KLHL23: variants seen among roughly 807,000 people sequenced by gnomAD.
KLHL23 encodes kelch-like protein 23.
KLHL23 carries 33 observed loss-of-function variants against 48.9 expected under a neutral mutation model. That is an observed-to-expected ratio of 0.67 (90% CI 0.51 to 0.90). KLHL23 has a LOEUF of 0.90. KLHL23 is among the 40% of genes least tolerant of loss of function. KLHL23 has a pLI of 0.00. For missense variants in KLHL23, 608 were observed against 669.6 expected (o/e 0.91, Z 1.02); for synonymous variants, 234 against 231.6 (o/e 1.01, Z -0.09).
chr2:169,749,750 A>AC lies in KLHL23; in HGVS notation c.*20dup. 1.9e-6 allele frequency: 3 copies of AC among 1,570,756 alleles called. No homozygotes were observed. Among genetic ancestry groups the AC allele is most frequent in the Non-Finnish European group, 2.6e-6 (3 of 1,153,528 alleles). On this transcript the variant is annotated 3_prime_UTR_variant, in exon 4 of 4. Coordinates refer to ENST00000392647, the MANE Select transcript of KLHL23 (RefSeq NM_144711.6). ...ATGTCTAATTGAATCTGCAGAAATG[A>AC]CCAAGCAATCACTTTTTTGGAGTAT...
chr2:169,735,929 A>G lies in KLHL23; in HGVS notation c.915A>G (p.Ile305Met). 6.2e-7 allele frequency: 1 copy of G among 1,614,194 alleles called. No homozygotes were observed. Among genetic ancestry groups the G allele is most frequent in the Non-Finnish European group, 8.5e-7 (1 of 1,180,050 alleles). ...LTNVWIQGAE[I>M]PDYTRESYGV... Reference sequence around the variant, plus strand: ...ATGTTTGGATTCAGGGAGCAGAAATACCAGATTATACCAGGGAGAGCTATG... The same window carrying G: ...ATGTTTGGATTCAGGGAGCAGAAATGCCAGATTATACCAGGGAGAGCTATG... Residue 305 changes from isoleucine to methionine, a missense_variant, in exon 2 of 4, where the codon ATA becomes ATG. Coordinates refer to ENST00000392647, the MANE Select transcript of KLHL23 (RefSeq NM_144711.6). The surrounding 1 kb of genome is among the most constrained non-coding windows in gnomAD (Gnocchi z 4.5).
At position 169,735,228 on chromosome 2, in the gene KLHL23, G is replaced by T. The variant is rs1172795059; in HGVS notation, c.214G>T (p.Glu72Ter). The change falls in exon 2 of 4, where the codon GAA (glutamate) becomes TAA (stop). Residue 72 changes from glutamate to a stop codon, truncating the protein, a stop_gained. Transcript: ENST00000392647. LOFTEE classifies it high-confidence loss of function. The surrounding 1 kb of genome is among the most constrained non-coding windows in gnomAD (Gnocchi z 4.5). Reference sequence around the variant, plus strand: ...GGCAATGTTCACAGCTGACATGAAAGAAAAATTTAAAAATAAAATAAAACT... The same window carrying T: ...GGCAATGTTCACAGCTGACATGAAATAAAAATTTAAAAATAAAATAAAACT... Reference protein sequence around the residue: ...FKAMFTADMKEKFKNKIKLSG... With the variant: ...FKAMFTADMK The T allele has an allele frequency of 6.2e-7, 1 of 1,602,470 alleles. No individual in the cohort carries two copies. The highest frequency in any genetic ancestry group is 8.5e-7 in the Non-Finnish European group (1 of 1,177,336).
At chr2:169,746,963 A>C (rs1389568702) in intron 3 of KLHL23, among the ~76,000 whole-genome samples, 4 of 152,318 alleles carry the variant, frequency 2.6e-5, no homozygotes, top group Non-Finnish European at 4.4e-5. Flanking sequence ...TTCAACATAT[A>C]AATAACTGGA....
At chr2:169,741,184 C>G in intron 2 of KLHL23, 1 of 509,818 alleles carries the variant, frequency 2.0e-6, no homozygotes, top group Non-Finnish European at 3.3e-6. Flanking sequence ...TGGTGCATGG[C>G]TGTGTTTGTG....
intron 2 of KLHL23, 115 bp downstream of exon 2, chr2:169,736,342 T>C (rs1688517931): frequency 5.1e-6 from 7 of 1,374,256 alleles, no homozygotes; most frequent in Admixed American, 2.4e-5. Flanking sequence ...TAGTTAATTA[T>C]ACAAATAATG....
intron 2 of KLHL23, among the ~76,000 whole-genome samples, chr2:169,737,081 G>A (rs1653460655): frequency 6.6e-6 from 1 of 152,210 alleles, no homozygotes; most frequent in South Asian, 2.1e-4. Flanking sequence ...CCTGCATCCA[G>A]ATCCCTGCTT....
intron 2 of KLHL23, among the ~76,000 whole-genome samples, chr2:169,740,359 C>T (rs1418678114): frequency 2.6e-5 from 4 of 152,138 alleles, no homozygotes; most frequent in African/African-American, 4.8e-5. Flanking sequence ...AAGTGATCCC[C>T]TGCCTCAGCC....
chr2:169,746,414 T>A lies in KLHL23; in HGVS notation c.1367-3008T>A, dbSNP rs543298864. On this transcript the variant is annotated intron_variant, in intron 3 of 3. Coordinates refer to ENST00000392647, the MANE Select transcript of KLHL23 (RefSeq NM_144711.6). The stretch of plus-strand genomic sequence containing the variant: ...GAATACAGACTGCTGTGTGTTGATG[T>A]TTTATACTTCTGTGTAAACTTTTGA... 6.6e-5 allele frequency among the ~76,000 whole-genome samples: 10 copies of A among 152,352 alleles called. 1 individual carries two copies. In the East Asian group the frequency reaches 1.9e-3, roughly 29 times the overall value.
Position 169,735,297 on chromosome 2 carries a change from G to C in KLHL23, c.283G>C (p.Ala95Pro), listed in dbSNP as rs549015718. The change falls in exon 2 of 4, where the codon GCA becomes CCA. Residue 95 changes from alanine to proline, a missense_variant. Ala to Pro is a conservative substitution (Grantham distance 27). Transcript: ENST00000392647. This position sits in a 1 kb window ranked among gnomAD's most constrained non-coding sequence, Gnocchi z 4.5. ...TATTCTGGAAGGCCTTGTAAATTAT[G>C]CATACACTTCCCAAATTGAAATAAC... ...HDILEGLVNYAYTSQIEITKR... is the reference protein window; with the variant it reads ...HDILEGLVNYPYTSQIEITKR... The C allele has an allele frequency of 6.2e-7, 1 of 1,613,428 alleles. No homozygotes were observed. The highest frequency in any genetic ancestry group is 1.1e-5 in the South Asian group (1 of 90,760).
rs1316044583 is a variant in KLHL23 at position 169,735,018 on chromosome 2, G to T, written c.4G>T (p.Ala2Ser). 3.3e-6 allele frequency: 5 copies of T among 1,534,464 alleles called. No individual in the cohort carries two copies. Among genetic ancestry groups the T allele is most frequent in the Non-Finnish European group, 4.4e-6 (5 of 1,146,294 alleles). The change falls in exon 2 of 4, where the codon GCT (alanine) becomes TCT (serine). Residue 2 changes from alanine (A) to serine (S), a missense_variant. Ala to Ser is a moderately conservative substitution (Grantham distance 99). Transcript: ENST00000392647. The surrounding 1 kb of genome is among the most constrained non-coding windows in gnomAD (Gnocchi z 4.5). ...TTATTTCATATTTATTGCAGCCATG[G>T]CTCTAAAAGGACAAGAAGATTATAT... is the stretch of plus-strand genomic sequence containing the variant. M[A>S]LKGQEDYIYL...
Position 169,741,538 on chromosome 2 carries a change from G to A in KLHL23, c.1366+1G>A, listed in dbSNP as rs1172306723. ...CTCATCACCTCCAGTCCACATCCAGGTAACAAAAATACTGTCTCAAATAGT... is the reference window on the plus strand; with the variant it reads ...CTCATCACCTCCAGTCCACATCCAGATAACAAAAATACTGTCTCAAATAGT... On this transcript the variant is annotated splice_donor_variant, in intron 3 of 3. Transcript: ENST00000392647. LOFTEE classifies it high-confidence loss of function. 6 of 1,611,652 alleles carry A rather than the reference G, an allele frequency of 3.7e-6. No individual in the cohort carries two copies. Among genetic ancestry groups the A allele is most frequent in the Non-Finnish European group, 5.1e-6 (6 of 1,178,682 alleles).
intron 2 of KLHL23, among the ~76,000 whole-genome samples, chr2:169,740,600 C>T (rs1236226743): frequency 3.3e-5 from 5 of 150,716 alleles, no homozygotes; most frequent in African/African-American, 4.9e-5. Context: ...AGGCGCCCAC[C>T]ACCACGTCCT....
At chr2:169,738,807 T>C (rs890110921) in intron 2 of KLHL23, among the ~76,000 whole-genome samples, 19 of 144,556 alleles carry the variant, frequency 1.3e-4, no homozygotes, top group Non-Finnish European at 2.1e-4. Flanking sequence ...CCTTTCTTCA[T>C]CTTCCCTCCA....
chr2:169,734,234 G>T (rs1296225545), intron 1 of KLHL23, 147 bp downstream of exon 1: 1 of 144,068 alleles, frequency 6.9e-6, no homozygotes, highest in Admixed American at 6.9e-5. Flanking sequence ...TGGCCGCGCG[G>T]GCGCCGGGCC....
chr2:169,748,103 G>A (rs1688838686), intron 3 of KLHL23, among the ~76,000 whole-genome samples: 1 of 152,210 alleles, frequency 6.6e-6, no homozygotes, highest in African/African-American at 2.4e-5. Context: ...CAACCTGGGT[G>A]ACAGAGCAAG....
chr2:169,744,586 T>G, intron 3 of KLHL23, among the ~76,000 whole-genome samples: 3 of 145,508 alleles, frequency 2.1e-5, no homozygotes, highest in African/African-American at 2.6e-5. Context: ...TGAGATGGAG[T>G]CTTGCTGTGT....
In KLHL23 at chr2:169,750,873, C is replaced by T. The variant is rs1454075489; in HGVS notation, c.*1141C>T. 3.9e-5 allele frequency: 6 copies of T among 152,166 alleles called. No homozygotes were observed. The highest frequency in any genetic ancestry group is 3.9e-4 in the Admixed American group (6 of 15,272). The allele number at this position is 152,166 out of a possible 1,614,324, so 9.4% of individuals were successfully genotyped here. ...TCCTCTTTATTCTTAAATATAGATA[C>T]ATGTCTGCATATATGATTGAATTTT... On this transcript the variant is annotated 3_prime_UTR_variant, in exon 4 of 4. Transcript: ENST00000392647.
Position 169,750,112 on chromosome 2 carries a change from G to GTATGTATACATA in KLHL23, c.*381_*382insATGTATACATAT, listed in dbSNP as rs1558952750. 6.9e-6 allele frequency: 1 copy of GTATGTATACATA among 145,152 alleles called. No homozygotes were observed. Among genetic ancestry groups the GTATGTATACATA allele is most frequent in the African/African-American group, 2.7e-5 (1 of 37,466 alleles). 9.0% of individuals were successfully genotyped at this position (145,152 alleles called of 1,614,324 possible). On this transcript the variant is annotated 3_prime_UTR_variant, in exon 4 of 4. Coordinates refer to ENST00000392647, the MANE Select transcript of KLHL23 (RefSeq NM_144711.6). ...TACATATATGTGTATACATATATAT[G>GTATGTATACATA]TGTGTATATATATACACATATATAC...
rs146496442 is a variant in KLHL23 at position 169,749,451 on chromosome 2, A to C, written c.1396A>C (p.Asn466His). 6.8e-6 allele frequency: 11 copies of C among 1,612,142 alleles called. No individual in the cohort carries two copies. The African/African-American group carries it at 1.5e-4, about 21-fold the overall frequency. Residue 466 changes from asparagine to histidine, a missense_variant, in exon 4 of 4, where the codon AAT becomes CAT. Around this residue, in one of 3 missense-constraint regions of KLHL23, gnomAD observed 179 missense variants for 169.9 expected, o/e 1.05. Coordinates refer to ENST00000392647, the MANE Select transcript of KLHL23 (RefSeq NM_144711.6). ...TGGATTGTGCTCAGTTCCGTTTGAA[A>C]ATAAGCTCTATCTAGTCGGCGGACA... is the stretch of plus-strand genomic sequence containing the variant. ...EYGLCSVPFE[N>H]KLYLVGGQTT...
Sources: allele counts gnomAD v4.1 joint callset (sites outside exome capture counted in the v4.1 genomes callset), GRCh38; gene constraint gnomAD v4.1.1; regional missense constraint gnomAD v4.1.1; non-coding constraint Gnocchi (gnomAD v3.1); transcripts MANE v1.5; gene names NCBI Gene and HGNC (gene_info 2026-07-23, HGNC 2026-07-21).